The following CCL23 variants were observed in gnomAD, a reference collection of about 807,000 sequenced individuals.
The protein encoded by CCL23 is C-C motif chemokine 23.
CCL23 carries 10 observed loss-of-function variants against 11.8 expected under a neutral mutation model. The observed-to-expected ratio is 0.84, with a 90% CI of 0.52 to 1.43. CCL23 has a LOEUF of 1.43. Among genes scored for constraint, CCL23 ranks in the 40% most tolerant of loss-of-function variants. The pLI, the probability that CCL23 is intolerant of heterozygous loss-of-function variation, is 0.00. For synonymous variants in CCL23, 60 were observed against 61.0 expected (o/e 0.98, Z 0.07); for missense variants, 181 against 170.9 (o/e 1.06, Z -0.33).
intron 1 of CCL23, among the ~76,000 whole-genome samples, chr17:36,014,906 T>C (rs190031565): frequency 6.6e-6 from 1 of 152,340 alleles, no homozygotes; most frequent in Admixed American, 6.5e-5. Flanking sequence ...CAGGGATAAG[T>C]ACCATCAATA....
At position 36,014,356 on chromosome 17, in the gene CCL23, C is replaced by T; in HGVS notation, c.114G>A (p.Leu38=). The T allele has an allele frequency of 6.2e-7, 1 of 1,613,586 alleles. No individual in the cohort carries two copies. The highest frequency in any genetic ancestry group is 8.5e-7 in the Non-Finnish European group (1 of 1,179,496). ...ETEFMMSKLP[L]ENPVLLDMLW... ...TACTGTCCAGAAGTACTGGATTTTCCAATGGAAGCTTTGACATCATGAACT... is the reference window on the plus strand; with the variant it reads ...TACTGTCCAGAAGTACTGGATTTTCTAATGGAAGCTTTGACATCATGAACT... Residue 38 remains leucine, a synonymous_variant, in exon 2 of 4, where the codon TTG becomes TTA. Coordinates refer to ENST00000615050, the MANE Select transcript of CCL23 (RefSeq NM_005064.6).
intron 1 of CCL23, among the ~76,000 whole-genome samples, chr17:36,017,132 A>G (rs1001437412): frequency 2.6e-5 from 4 of 152,194 alleles, no homozygotes; most frequent in African/African-American, 9.7e-5. Context: ...CTACCAAGTT[A>G]TCTAAGGTTC....
At chr17:36,013,936 T>C (rs534551723) in intron 2 of CCL23, 27 bp from the exon 3 acceptor site, 2 of 1,610,178 alleles carry the variant, frequency 1.2e-6, no homozygotes, top group East Asian at 4.5e-5. Context: ...GGCACATGGC[T>C]CAGAAGAGAT....
In CCL23 at chr17:36,013,232, T is replaced by G. The variant is rs1420226618; in HGVS notation, c.379A>C (p.Lys127Gln). The G allele has an allele frequency of 6.2e-7, 1 of 1,613,650 alleles. No individual in the cohort carries two copies. The highest frequency in any genetic ancestry group is 1.7e-5 in the Admixed American group (1 of 60,012). The change falls in exon 4 of 4, where the codon AAG becomes CAG. Residue 127 changes from lysine (K) to glutamine (Q), a missense_variant. Lys to Gln is a moderately conservative substitution (Grantham distance 53, BLOSUM62 1). Transcript: ENST00000615050. The part of the protein sequence containing the change: ...KQVQVCMRML[K>Q]LDTRIKTRKN ...CTGGTCTTGATCCGTGTGTCCAGCT[T>G]CAGCATTCTCATGCAAACCTGAACT...
chr17:36,013,359 G>C lies in CCL23; in HGVS notation c.303-51C>G, dbSNP rs1416520940. The stretch of plus-strand genomic sequence containing the variant: ...ACAAACTGAGGTGTGTCCAGCACAT[G>C]GGGACAGGGGGCCCCATTCTCCCTG... On this transcript the variant is annotated intron_variant, in intron 3 of 3. Coordinates refer to ENST00000615050, the MANE Select transcript of CCL23 (RefSeq NM_005064.6). 4.2e-6 allele frequency: 5 copies of C among 1,200,900 alleles called. No homozygotes were observed. In the Admixed American group the frequency reaches 9.4e-5, roughly 23 times the overall value. 74.4% of individuals were successfully genotyped at this position (1,200,900 alleles called of 1,614,324 possible). A position where few individuals can be genotyped will look rare whatever the true frequency, so the allele number is the denominator to read the frequency against.
At chr17:36,013,357 A>T (rs375540771) in intron 3 of CCL23, 49 bp from the exon 4 acceptor site, 2 of 1,254,634 alleles carry the variant, frequency 1.6e-6, no homozygotes, top group African/African-American at 1.5e-5. Flanking sequence ...TGTCCAGCAC[A>T]TGGGGACAGG....
rs73990625 is a variant in CCL23 at position 36,014,108 on chromosome 17, G to C, written c.137-199C>G. 1.4e-3 allele frequency among the ~76,000 whole-genome samples: 215 copies of C among 152,280 alleles called. 1 individual carries two copies. The highest frequency in any genetic ancestry group is 4.8e-3 in the African/African-American group (201 of 41,572). ...TGCAGACACCTGCAGGCATCAGAGA[G>C]CACCTTCTGCCCCAAAGGAGCAGAC... is the stretch of plus-strand genomic sequence containing the variant. On this transcript the variant is annotated intron_variant, in intron 2 of 3. Transcript: ENST00000615050.
chr17:36,013,149 G>T lies in CCL23; in HGVS notation c.*48C>A. 1.8e-6 allele frequency: 2 copies of T among 1,082,830 alleles called. No individual in the cohort carries two copies. Among genetic ancestry groups the T allele is most frequent in the Non-Finnish European group, 2.9e-6 (2 of 694,836 alleles). 67.1% of individuals were successfully genotyped at this position (1,082,830 alleles called of 1,614,324 possible). A position where few individuals can be genotyped will look rare whatever the true frequency, so the allele number is the denominator to read the frequency against. ...AAAATAATTCAGGAAGGTAGTTGAG[G>T]CAAGAAAGTTGGTGGCTGGCAACTT... On this transcript the variant is annotated 3_prime_UTR_variant, in exon 4 of 4. Transcript: ENST00000615050.
chr17:36,013,844 T>C lies in CCL23; in HGVS notation c.202A>G (p.Ser68Gly), dbSNP rs2090076925. 1.9e-6 allele frequency: 3 copies of C among 1,614,000 alleles called. No homozygotes were observed. Among genetic ancestry groups the C allele is most frequent in the African/African-American group, 1.3e-5 (1 of 74,920 alleles). The change falls in exon 3 of 4, where the codon AGT becomes GGT. Residue 68 changes from serine to glycine, a missense_variant. Physicochemically the swap from Ser to Gly is moderately conservative, Grantham distance 56. Transcript: ENST00000615050. ...GTGTAGGAGATGCAGCAGTCAGCAC[T>C]AGTAGCATGGAATCCTGCAGCATGA... Reference protein sequence around the residue: ...LSHAAGFHATSADCCISYTPR... With the variant: ...LSHAAGFHATGADCCISYTPR...
At chr17:36,015,577 A>C (rs1055894944) in intron 1 of CCL23, among the ~76,000 whole-genome samples, 3 of 152,240 alleles carry the variant, frequency 2.0e-5, no homozygotes, top group Non-Finnish European at 4.4e-5. Context: ...GAAATTCTGC[A>C]TTCCAAAATT....
At chr17:36,014,306 T>C (rs1264441622) in intron 2 of CCL23, 28 bp downstream of exon 2, 25 of 1,568,598 alleles carry the variant, frequency 1.6e-5, no homozygotes, top group Non-Finnish European at 2.1e-5. Context: ...TGGCTGCTTT[T>C]AAATATATGC....
chr17:36,015,251 A>G (rs2090089474), intron 1 of CCL23, among the ~76,000 whole-genome samples: 1 of 152,100 alleles, frequency 6.6e-6, no homozygotes, highest in Non-Finnish European at 1.5e-5. Context: ...AATGTCCTTG[A>G]TGTTTATCCA....
rs80219613 is a variant in CCL23 at position 36,013,285 on chromosome 17, C to A, written c.326G>T (p.Arg109Leu). 1.2e-6 allele frequency: 2 copies of A among 1,613,236 alleles called. No homozygotes were observed. Among genetic ancestry groups the A allele is most frequent in the African/African-American group, 2.7e-5 (2 of 75,002 alleles). ...GVIFLTKKGR[R>L]FCANPSDKQV... ...CTTATCACTGGGGTTGGCACAGAAA[C>A]GTCGCCCCTTCTTGGTGAGGAAGCT... Residue 109 changes from arginine to leucine, a missense_variant, in exon 4 of 4, where the codon CGT (arginine) becomes CTT (leucine). Arg to Leu is a moderately radical substitution (Grantham distance 102). Coordinates refer to ENST00000615050, the MANE Select transcript of CCL23 (RefSeq NM_005064.6).
In CCL23 at chr17:36,013,192, C is replaced by T; in HGVS notation, c.*5G>A. ...GGCAACTTGTGTCCCTTCACCTTGA[C>T]AAGTTCAATTCTTCCTGGTCTTGAT... On this transcript the variant is annotated 3_prime_UTR_variant, in exon 4 of 4. Coordinates refer to ENST00000615050, the MANE Select transcript of CCL23 (RefSeq NM_005064.6). 6.3e-7 allele frequency: 1 copy of T among 1,588,102 alleles called. No individual in the cohort carries two copies. The highest frequency in any genetic ancestry group is 8.7e-7 in the Non-Finnish European group (1 of 1,156,024).
At chr17:36,013,413 AG>A in intron 3 of CCL23, 105 bp from the exon 4 acceptor site, 2 of 698,624 alleles carry the variant, frequency 2.9e-6, no homozygotes, top group Non-Finnish European at 4.9e-6. Flanking sequence ...CAATATAGCC[AG>A]TTTTTTTTTC....
rs1734953 is a variant in CCL23 at position 36,013,121 on chromosome 17, A to T, written c.*76T>A. On this transcript the variant is annotated 3_prime_UTR_variant, in exon 4 of 4. Coordinates refer to ENST00000615050, the MANE Select transcript of CCL23 (RefSeq NM_005064.6). ...CAGAACACAAGAATAAATGCTTCTT[A>T]AAAAAATAATTCAGGAAGGTAGTTG... The T allele has an allele frequency of 8.5e-3, 6,978 of 825,332 alleles. 294 individuals carry two copies. The African/African-American group carries it at 0.093, about 11-fold the overall frequency. The allele number at this position is 825,332 out of a possible 1,614,324, so 51.1% of individuals were successfully genotyped here. A position where few individuals can be genotyped will look rare whatever the true frequency, so the allele number is the denominator to read the frequency against.
chr17:36,013,425 T>G, intron 3 of CCL23, 117 bp from the exon 4 acceptor site: 1 of 572,316 alleles, frequency 1.7e-6, no homozygotes, highest in East Asian at 3.1e-5. Context: ...TTTTTTTTTC[T>G]TTTTTTTTTC....
At chr17:36,013,430 T>A (rs2090072902) in intron 3 of CCL23, 122 bp from the exon 4 acceptor site, 1 of 658,310 alleles carries the variant, frequency 1.5e-6, no homozygotes, top group Admixed American at 2.8e-5. Context: ...TTTTCTTTTT[T>A]TTTTCATTCT....
At chr17:36,013,625 C>T in intron 3 of CCL23, 119 bp downstream of exon 3, 1 of 940,636 alleles carries the variant, frequency 1.1e-6, no homozygotes, top group East Asian at 2.5e-5. Flanking sequence ...ACACAGCTGC[C>T]CCATACCTGG....
Sources: allele counts gnomAD v4.1 joint callset (sites outside exome capture counted in the v4.1 genomes callset), GRCh38; gene constraint gnomAD v4.1.1; transcripts MANE v1.5; gene names NCBI Gene and HGNC (gene_info 2026-07-23, HGNC 2026-07-21).